Variants in M1AP observed in about 807,000 individuals in gnomAD.
M1AP encodes the protein meiosis 1 associated protein.
In M1AP, 39 loss-of-function variants were observed where a neutral mutation model predicts 51.2. That is an observed-to-expected ratio of 0.76 (90% CI 0.59 to 1.00). The LOEUF (loss-of-function observed/expected upper bound fraction) is 1.00. Among genes scored for constraint, M1AP ranks in the 50% least tolerant of loss-of-function variants. The probability of loss-of-function intolerance (pLI) is 0.00; values close to 1 mark genes in which losing one functional copy is unlikely to be tolerated. For synonymous variants in M1AP, 251 were observed against 249.2 expected (o/e 1.01, Z -0.07); for missense variants, 545 against 641.2 (o/e 0.85, Z 1.62).
intron 2 of M1AP, chr2:74,618,895 G>C: frequency 3.8e-6 from 2 of 524,758 alleles, no homozygotes; most frequent in South Asian, 1.4e-5. Context: ...TACAGCTCTT[G>C]ACTGAGTAGA....
chr2:74,614,630 T>C (rs551970342), intron 3 of M1AP, among the ~76,000 whole-genome samples: 91 of 152,234 alleles, frequency 6.0e-4, no homozygotes, highest in Admixed American at 1.2e-3. Flanking sequence ...TAAATACAGC[T>C]ACCAATGTAG....
intron 4 of M1AP, among the ~76,000 whole-genome samples, chr2:74,584,879 G>A: frequency 6.6e-6 from 1 of 150,432 alleles, no homozygotes; most frequent in Non-Finnish European, 1.5e-5. Context: ...GTCTCACTCT[G>A]TCACCCATGT....
chr2:74,632,802 T>TC (rs1371975163), intron 2 of M1AP, among the ~76,000 whole-genome samples: 1 of 152,188 alleles, frequency 6.6e-6, no homozygotes, highest in Non-Finnish European at 1.5e-5. Context: ...TTCTGACAAG[T>TC]CAGTGGTTTC....
At chr2:74,636,284 G>A (rs1281455827) in intron 2 of M1AP, among the ~76,000 whole-genome samples, 1 of 151,748 alleles carries the variant, frequency 6.6e-6, no homozygotes, top group East Asian at 1.9e-4. Context: ...CTCCTGCTTT[G>A]TTTTGGTTAA....
intron 1 of M1AP, 29 bp downstream of exon 1, chr2:74,648,236 C>G: frequency 1.0e-6 from 1 of 976,970 alleles, no homozygotes; most frequent in Non-Finnish European, 1.2e-6. Context: ...TCGGGCTGCC[C>G]TCCCTCCCCG....
intron 7 of M1AP, 111 bp from the exon 8 acceptor site, chr2:74,562,534 G>T: frequency 8.5e-7 from 1 of 1,181,430 alleles, no homozygotes; most frequent in Non-Finnish European, 1.2e-6. Flanking sequence ...GGAGGGCAGA[G>T]CCATTTAACT....
chr2:74,634,702 G>C (rs1682883167), intron 2 of M1AP, among the ~76,000 whole-genome samples: 1 of 152,126 alleles, frequency 6.6e-6, no homozygotes, highest in African/African-American at 2.4e-5. Flanking sequence ...TTTATCATGA[G>C]TGGACGTTGA....
chr2:74,561,609 T>A (rs1407144582), intron 8 of M1AP, among the ~76,000 whole-genome samples: 2 of 152,176 alleles, frequency 1.3e-5, no homozygotes, highest in Non-Finnish European at 2.9e-5. Context: ...CCTTCTCCCT[T>A]CTTTTTTCTT....
chr2:74,638,794 T>G (rs546414872), intron 2 of M1AP, among the ~76,000 whole-genome samples: 29 of 152,356 alleles, frequency 1.9e-4, no homozygotes, highest in Non-Finnish European at 3.8e-4. Flanking sequence ...CTGATCTACC[T>G]AAGCCACTTA....
chr2:74,576,162 T>C (rs907526748), intron 6 of M1AP, among the ~76,000 whole-genome samples: 2 of 152,210 alleles, frequency 1.3e-5, no homozygotes, highest in African/African-American at 4.8e-5. Context: ...AAGTAGCTAT[T>C]CAATAAACAT....
chr2:74,561,112 AAGGAGGAGG>A (rs1558643623), intron 8 of M1AP, among the ~76,000 whole-genome samples: 2 of 30,980 alleles, frequency 6.5e-5, no homozygotes, highest in East Asian at 9.6e-4. Context: ...GGAGGAGGAG[AAGGAGGAGG>A]AGGAGAAGGA....
chr2:74,603,089 C>A (rs1023008552), intron 4 of M1AP, among the ~76,000 whole-genome samples: 3 of 152,176 alleles, frequency 2.0e-5, no homozygotes, highest in African/African-American at 7.2e-5. Flanking sequence ...ATGAGAAGGG[C>A]TCTGACTGGT....
intron 2 of M1AP, among the ~76,000 whole-genome samples, chr2:74,633,737 C>A (rs749255542): frequency 6.6e-6 from 1 of 152,136 alleles, no homozygotes; most frequent in Non-Finnish European, 1.5e-5. Flanking sequence ...GTCTTTCTTA[C>A]CATAATTTAA....
chr2:74,576,919 CAT>C (rs1451381205), intron 5 of M1AP: 2 of 1,112,390 alleles, frequency 1.8e-6, no homozygotes, highest in African/African-American at 3.2e-5. Flanking sequence ...GCAGTTGTCT[CAT>C]AGTGAGACAT....
At chr2:74,646,558 G>T (rs1683623584) in intron 1 of M1AP, among the ~76,000 whole-genome samples, 1 of 152,120 alleles carries the variant, frequency 6.6e-6, no homozygotes, top group African/African-American at 2.4e-5. Context: ...AAAATTGAAG[G>T]TACAAAGGAT....
intron 4 of M1AP, among the ~76,000 whole-genome samples, chr2:74,601,047 C>A (rs1680645175): frequency 6.6e-6 from 1 of 152,030 alleles, no homozygotes; most frequent in South Asian, 2.1e-4. Context: ...TGTATTTAAT[C>A]ATCACAAAAA....
chr2:74,625,764 C>T (rs1682344477), intron 2 of M1AP, among the ~76,000 whole-genome samples: 1 of 152,234 alleles, frequency 6.6e-6, no homozygotes, highest in South Asian at 2.1e-4. Context: ...ATAGCCCTGC[C>T]TGGCCTAGTA....
At chr2:74,561,198 GAA>G (rs1677957345) in intron 8 of M1AP, among the ~76,000 whole-genome samples, 3 of 139,602 alleles carry the variant, frequency 2.1e-5, no homozygotes, top group African/African-American at 8.4e-5. Context: ...AGGAGGAGGA[GAA>G]GGAGGAGGAG....
intron 7 of M1AP, 44 bp from the exon 8 acceptor site, chr2:74,562,467 T>A: frequency 1.2e-6 from 2 of 1,605,790 alleles, no homozygotes; most frequent in Non-Finnish European, 1.7e-6. Context: ...CTTTAGTCTA[T>A]GGCATGGTTT....
Sources: gnomAD v4.1 joint callset for allele counts (sites outside exome capture counted in the v4.1 genomes callset) on GRCh38, gnomAD v4.1.1 for gene constraint, MANE v1.5 for transcripts, NCBI Gene and HGNC (gene_info 2026-07-23, HGNC 2026-07-21) for gene names.